The following PLEKHA3 variants were observed in gnomAD, a reference collection of about 807,000 sequenced individuals.
PLEKHA3 encodes pleckstrin homology domain containing A3, also known as pleckstrin homology domain-containing family A member 3.
A neutral mutation model predicts 39.2 loss-of-function variants in PLEKHA3; 19 were observed. The observed-to-expected ratio is 0.48, with a 90% CI of 0.34 to 0.71. The LOEUF (loss-of-function observed/expected upper bound fraction) is 0.71. Ranked by LOEUF, PLEKHA3 falls within the 30% of genes least tolerant of loss-of-function variation. The pLI, the probability that PLEKHA3 is intolerant of heterozygous loss-of-function variation, is 0.01. For synonymous variants in PLEKHA3, 97 were observed against 118.6 expected (o/e 0.82, Z 1.18); for missense variants, 253 against 359.5 (o/e 0.70, Z 2.40).
At chr2:178,500,333 A>G (rs1333947330) in intron 6 of PLEKHA3, among the ~76,000 whole-genome samples, 4 of 152,134 alleles carry the variant, frequency 2.6e-5, no homozygotes, top group Non-Finnish European at 5.9e-5. Context: ...TTGTCAGGGA[A>G]TCAAGAGTCC....
intron 2 of PLEKHA3, chr2:178,488,917 A>G (rs1559383106): frequency 4.6e-6 from 2 of 432,964 alleles, no homozygotes; most frequent in Non-Finnish European, 9.3e-6. Context: ...GGTCTTGTCC[A>G]TCTTTTCTGA....
intron 1 of PLEKHA3, 117 bp downstream of exon 1, chr2:178,481,026 A>C (rs1685154512): frequency 1.0e-6 from 1 of 953,612 alleles, no homozygotes; most frequent in Non-Finnish European, 1.4e-6. Context: ...AATTCGCTCT[A>C]CTCGATTCCA....
At chr2:178,501,328 A>G (rs1166386141) in intron 7 of PLEKHA3, 152 bp downstream of exon 7, 2 of 612,906 alleles carry the variant, frequency 3.3e-6, no homozygotes, top group Non-Finnish European at 5.8e-6. Context: ...CGCTCAATCA[A>G]TGAAAGCTCA....
At chr2:178,485,615 C>T in intron 1 of PLEKHA3, 26 bp from the exon 2 acceptor site, 3 of 1,429,336 alleles carry the variant, frequency 2.1e-6, no homozygotes, top group Non-Finnish European at 3.0e-6. Context: ...TTCCAATTGA[C>T]CTTTTGTTAT....
At position 178,504,501 on chromosome 2, in the gene PLEKHA3, T is replaced by C. The variant is rs1033222262; in HGVS notation, c.*614T>C. The C allele has an allele frequency of 1.2e-4, 18 of 152,402 alleles. No individual in the cohort carries two copies. The highest frequency in any genetic ancestry group is 4.3e-4 in the African/African-American group (18 of 41,442). The allele number at this position is 152,402 out of a possible 1,614,324, so 9.4% of individuals were successfully genotyped here. A position where few individuals can be genotyped will look rare whatever the true frequency, so the allele number is the denominator to read the frequency against. Reference sequence around the variant, plus strand: ...CTACTGATTTGTCAATACCAAATTTTGGGTTAAAGTGTTTAATTTTTATGT... The same window carrying C: ...CTACTGATTTGTCAATACCAAATTTCGGGTTAAAGTGTTTAATTTTTATGT... On this transcript the variant is annotated 3_prime_UTR_variant, in exon 8 of 8. Coordinates refer to ENST00000234453, the MANE Select transcript of PLEKHA3 (RefSeq NM_019091.4).
intron 5 of PLEKHA3, among the ~76,000 whole-genome samples, chr2:178,496,079 C>T (rs976382520): frequency 2.0e-5 from 3 of 152,114 alleles, no homozygotes; most frequent in Admixed American, 6.6e-5. Context: ...AAACATATTC[C>T]GGTGGGAACG....
chr2:178,493,747 G>A, intron 3 of PLEKHA3, 106 bp from the exon 4 acceptor site: 3 of 968,608 alleles, frequency 3.1e-6, no homozygotes, highest in South Asian at 1.8e-5. Flanking sequence ...CATTTCTTGA[G>A]CTATAGGTAT....
rs1444448426 is a variant in PLEKHA3, at chr2:178,504,917, C to T, written c.*1030C>T. ...TGTCCATACCTATTGTCATTGTTTG[C>T]CTTGTAATCTGTTTTTTTGAATTCA... On this transcript the variant is annotated 3_prime_UTR_variant, in exon 8 of 8. Transcript: ENST00000234453. 5 of 152,210 alleles carry T rather than the reference C, an allele frequency of 3.3e-5. No homozygotes were observed. Among genetic ancestry groups the T allele is most frequent in the African/African-American group, 4.8e-5 (2 of 41,380 alleles). 9.4% of individuals were successfully genotyped at this position (152,210 alleles called of 1,614,324 possible).
In PLEKHA3 at chr2:178,501,120, G is replaced by A. The variant is rs951810518; in HGVS notation, c.719G>A (p.Arg240Gln). Reference sequence around the variant, plus strand: ...CTTCACCGACTCTCCCAGCGACGCCGAAGAACCTACTCAGATACAGATTCT... The same window carrying A: ...CTTCACCGACTCTCCCAGCGACGCCAAAGAACCTACTCAGATACAGATTCT... The part of the protein sequence containing the change: ...STLHRLSQRR[R>Q]RTYSDTDSCS... Residue 240 changes from arginine (R) to glutamine (Q), a missense_variant, in exon 7 of 8, where the codon CGA (arginine) becomes CAA (glutamine). This residue lies in a region of PLEKHA3 where 127 missense variants were observed against 136.8 expected (regional missense o/e 0.93). Coordinates refer to ENST00000234453, the MANE Select transcript of PLEKHA3 (RefSeq NM_019091.4). The A allele has an allele frequency of 9.3e-6, 15 of 1,613,210 alleles. No homozygotes were observed. The highest frequency in any genetic ancestry group is 1.7e-5 in the Admixed American group (1 of 59,942).
At chr2:178,482,177 A>G (rs1685177055) in intron 1 of PLEKHA3, among the ~76,000 whole-genome samples, 1 of 152,188 alleles carries the variant, frequency 6.6e-6, no homozygotes, top group African/African-American at 2.4e-5. Context: ...TTAGATAAAT[A>G]TTTTTTATTG....
At chr2:178,495,468 C>A (rs1230533466) in intron 4 of PLEKHA3, 28 bp from the exon 5 acceptor site, 3 of 1,610,724 alleles carry the variant, frequency 1.9e-6, no homozygotes, top group Non-Finnish European at 2.5e-6. Context: ...GTATGCAAAT[C>A]TGTTCAAGTC....
At chr2:178,490,350 G>A (rs1357455851) in intron 2 of PLEKHA3, among the ~76,000 whole-genome samples, 2 of 152,194 alleles carry the variant, frequency 1.3e-5, no homozygotes, top group African/African-American at 4.8e-5. Flanking sequence ...CATTGCAGTT[G>A]TATTTAATAG....
chr2:178,501,689 G>A (rs1685531551), intron 7 of PLEKHA3, among the ~76,000 whole-genome samples: 1 of 151,916 alleles, frequency 6.6e-6, no homozygotes, highest in Non-Finnish European at 1.5e-5. Flanking sequence ...TTTTAGGAAA[G>A]GTTTTGTGAT....
chr2:178,496,318 T>C (rs1182799494), intron 5 of PLEKHA3, among the ~76,000 whole-genome samples: 2 of 152,226 alleles, frequency 1.3e-5, no homozygotes, highest in East Asian at 3.8e-4. Flanking sequence ...TGCTCTAGCA[T>C]GCTGTTAGAA....
chr2:178,499,984 A>C (rs1317429620), intron 6 of PLEKHA3, among the ~76,000 whole-genome samples: 2 of 152,156 alleles, frequency 1.3e-5, no homozygotes, highest in Non-Finnish European at 2.9e-5. Context: ...TTGTTTCATT[A>C]AGAGAGAAAG....
chr2:178,485,985 G>A (rs1290415150), intron 2 of PLEKHA3, among the ~76,000 whole-genome samples: 1 of 152,120 alleles, frequency 6.6e-6, no homozygotes, highest in African/African-American at 2.4e-5. Context: ...ACTTTTGCTA[G>A]TCTTCCAATT....
chr2:178,503,747 AAT>A lies in PLEKHA3; in HGVS notation c.776-12_776-11del. 1 of 1,608,912 alleles carries A rather than the reference AAT, an allele frequency of 6.2e-7. No homozygotes were observed. The highest frequency in any genetic ancestry group is 8.5e-7 in the Non-Finnish European group (1 of 1,176,358). Reference sequence around the variant, plus strand: ...TGACAGGATGTTTAACGTTTTTATCAATGTCTTCATAGGACCTGTTCACTGTT... The same window carrying A: ...TGACAGGATGTTTAACGTTTTTATCAGTCTTCATAGGACCTGTTCACTGTT... On this transcript the variant is annotated splice_polypyrimidine_tract_variant and intron_variant, in intron 7 of 7. Coordinates refer to ENST00000234453, the MANE Select transcript of PLEKHA3 (RefSeq NM_019091.4).
In PLEKHA3 at chr2:178,508,983, G is replaced by C. The variant is rs1432983834; in HGVS notation, c.*5096G>C. On this transcript the variant is annotated 3_prime_UTR_variant, in exon 8 of 8. Coordinates refer to ENST00000234453, the MANE Select transcript of PLEKHA3 (RefSeq NM_019091.4). The stretch of plus-strand genomic sequence containing the variant: ...ACAATACCTAGTGCTTCCAAGTCCT[G>C]AACTTAGTAGAGGTTTGGTGGGGTG... The C allele has an allele frequency of 6.5e-6, 1 of 153,850 alleles. No individual in the cohort carries two copies. Among genetic ancestry groups the C allele is most frequent in the Non-Finnish European group, 1.5e-5 (1 of 68,138 alleles). 9.5% of individuals were successfully genotyped at this position (153,850 alleles called of 1,614,324 possible). A position where few individuals can be genotyped will look rare whatever the true frequency, so the allele number is the denominator to read the frequency against.
At position 178,493,631 on chromosome 2, in the gene PLEKHA3, C is replaced by T. The variant is rs1685393603; in HGVS notation, c.314-222C>T. ...ACATCCAGTGGTCATCATCCTATCTCTGGAAATCACCTAAACATGGCAGGC... is the reference window on the plus strand; with the variant it reads ...ACATCCAGTGGTCATCATCCTATCTTTGGAAATCACCTAAACATGGCAGGC... On this transcript the variant is annotated intron_variant, in intron 3 of 7. Coordinates refer to ENST00000234453, the MANE Select transcript of PLEKHA3 (RefSeq NM_019091.4). 2.0e-5 allele frequency among the ~76,000 whole-genome samples: 3 copies of T among 152,206 alleles called. No individual in the cohort carries two copies. In the South Asian group the frequency reaches 6.2e-4, roughly 32 times the overall value.
Sources: allele counts gnomAD v4.1 joint callset (sites outside exome capture counted in the v4.1 genomes callset), GRCh38; gene constraint gnomAD v4.1.1; regional missense constraint gnomAD v4.1.1; transcripts MANE v1.5; gene names NCBI Gene and HGNC (gene_info 2026-07-23, HGNC 2026-07-21).